DLEC1: variants seen among roughly 807,000 people sequenced by gnomAD.
The protein encoded by DLEC1 is deleted in lung and esophageal cancer protein 1.
DLEC1 carries 146 observed loss-of-function variants against 198.1 expected under a neutral mutation model. That is an observed-to-expected ratio of 0.74 (90% CI 0.64 to 0.85). The LOEUF is 0.85. DLEC1 is among the 40% of genes least tolerant of loss of function. The probability of loss-of-function intolerance (pLI) is 0.00; values close to 1 mark genes in which losing one functional copy is unlikely to be tolerated. For synonymous variants in DLEC1, 897 were observed against 866.8 expected, an observed-to-expected ratio of 1.03 and a Z score of -0.61; for missense variants, 2,233 against 2,220.0, an observed-to-expected ratio of 1.01 and a Z score of -0.12.
At chr3:38,093,455 C>T (rs577185670) in intron 11 of DLEC1, 150 bp from the exon 12 acceptor site, 27 of 880,846 alleles carry the variant, frequency 3.1e-5, no homozygotes, top group East Asian at 7.4e-5. Context: ...AACCTGTGGG[C>T]GGATATCCCC....
intron 11 of DLEC1, among the ~76,000 whole-genome samples, chr3:38,093,173 G>A (rs918381673): frequency 6.6e-6 from 1 of 152,148 alleles, no homozygotes; most frequent in African/African-American, 2.4e-5. Context: ...AACTCACTTT[G>A]ATCTCCTTTG....
chr3:38,123,426 AATCCCAAACACAATC>A lies in DLEC1; in HGVS notation c.*1023_*1037del. 3.4e-6 allele frequency: 1 copy of A among 291,590 alleles called. No homozygotes were observed. The highest frequency in any genetic ancestry group is 8.0e-5 in the South Asian group (1 of 12,474). 18.1% of individuals were successfully genotyped at this position (291,590 alleles called of 1,614,324 possible). On this transcript the variant is annotated 3_prime_UTR_variant, in exon 37 of 37. Transcript: ENST00000308059. The stretch of plus-strand genomic sequence containing the variant: ...GATCGATCATAATCCCAAAAGACAC[AATCCCAAACACAATC>A]ATCCCAAATGTTGAAATCCTGGAAG...
At chr3:38,087,367 C>T (rs367926654) in intron 9 of DLEC1, among the ~76,000 whole-genome samples, 155 of 111,590 alleles carry the variant, frequency 1.4e-3, no homozygotes, top group Middle Eastern at 4.5e-3. Flanking sequence ...CACCATCCAT[C>T]AGCACTGACA....
Position 38,122,075 on chromosome 3 carries a change from G to C in DLEC1, c.5025G>C (p.Gln1675His). 1 of 1,613,992 alleles carries C rather than the reference G, an allele frequency of 6.2e-7. No individual in the cohort carries two copies. The highest frequency in any genetic ancestry group is 8.5e-7 in the Non-Finnish European group (1 of 1,179,918). The change falls in exon 36 of 37, where the codon CAG (glutamine) becomes CAC (histidine). Residue 1675 changes from glutamine (Q) to histidine (H), a missense_variant. Physicochemically the swap from Gln to His is conservative, Grantham distance 24. Coordinates refer to ENST00000308059, the MANE Select transcript of DLEC1 (RefSeq NM_007335.4). ...CRSYWTMLMG[Q>H]QEPAKAAVAF... is the part of the protein sequence containing the mutation. Reference sequence around the variant, plus strand: ...CTTCCCTTCCCTTTGGTGCAGGCCAGCAGGAGCCAGCCAAGGCCGCTGTGG... The same window carrying C: ...CTTCCCTTCCCTTTGGTGCAGGCCACCAGGAGCCAGCCAAGGCCGCTGTGG...
intron 9 of DLEC1, 86 bp from the exon 10 acceptor site, chr3:38,088,210 G>A: frequency 3.3e-6 from 4 of 1,195,406 alleles, no homozygotes; most frequent in Non-Finnish European, 3.7e-6. Flanking sequence ...ATTGCAAAAT[G>A]GATGTTTGAA....
intron 19 of DLEC1, among the ~76,000 whole-genome samples, chr3:38,105,401 ATC>A (rs1345412155): frequency 6.6e-6 from 1 of 152,020 alleles, no homozygotes; most frequent in Non-Finnish European, 1.5e-5. Context: ...TGAATTGCTG[ATC>A]TCTCCTTCAA....
At chr3:38,117,657 C>T (rs1386215907) in intron 32 of DLEC1, 46 bp downstream of exon 32, 5 of 1,612,802 alleles carry the variant, frequency 3.1e-6, no homozygotes, top group Admixed American at 3.3e-5. Flanking sequence ...ACCTGGACCT[C>T]AGATGTCTCT....
At chr3:38,105,468 G>A (rs1304894941) in intron 19 of DLEC1, among the ~76,000 whole-genome samples, 8 of 151,966 alleles carry the variant, frequency 5.3e-5, no homozygotes, top group Admixed American at 5.2e-4. Context: ...ATACATACAT[G>A]TTTATAATTG....
chr3:38,071,607 G>A (rs1697321192), intron 6 of DLEC1, among the ~76,000 whole-genome samples: 1 of 152,254 alleles, frequency 6.6e-6, no homozygotes, highest in African/African-American at 2.4e-5. Context: ...CTGAGGGACA[G>A]AAGTTGGAGA....
In DLEC1 at chr3:38,094,039, G is replaced by C. The variant is rs144768725; in HGVS notation, c.1919+272G>C. On this transcript the variant is annotated intron_variant, in intron 12 of 36. Coordinates refer to ENST00000308059, the MANE Select transcript of DLEC1 (RefSeq NM_007335.4). ...CATGTAGCTAGTGGCTGTCATATTG[G>C]ACAGTGCAGATCTGTAAGATCTCCA... 1.7e-3 allele frequency among the ~76,000 whole-genome samples: 254 copies of C among 152,292 alleles called. 4 individuals are homozygous for C. The East Asian group carries it at 0.033, about 20-fold the overall frequency.
At position 38,122,458 on chromosome 3, in the gene DLEC1, CA is replaced by C; in HGVS notation, c.*47del. 6.2e-7 allele frequency: 1 copy of C among 1,614,002 alleles called. No homozygotes were observed. Among genetic ancestry groups the C allele is most frequent in the East Asian group, 2.2e-5 (1 of 44,886 alleles). ...CCCCAGGCCCCAGCTGGAGAAAAAA[CA>C]TTGCCCAGGGATTAGGAGCAGCTCT... is the stretch of plus-strand genomic sequence containing the variant. On this transcript the variant is annotated 3_prime_UTR_variant, in exon 37 of 37. Coordinates refer to ENST00000308059, the MANE Select transcript of DLEC1 (RefSeq NM_007335.4).
intron 19 of DLEC1, among the ~76,000 whole-genome samples, chr3:38,106,461 A>C (rs1306739464): frequency 6.6e-6 from 1 of 152,148 alleles, no homozygotes; most frequent in African/African-American, 2.4e-5. Context: ...TTCTGCTTTT[A>C]AGACCTTTTA....
chr3:38,088,852 A>G (rs1698600181), intron 10 of DLEC1, among the ~76,000 whole-genome samples: 1 of 151,742 alleles, frequency 6.6e-6, no homozygotes, highest in Admixed American at 6.6e-5. Context: ...GAACCTCTGC[A>G]GAAGCTCTCA....
At chr3:38,084,551 G>A (rs74998109) in intron 7 of DLEC1, among the ~76,000 whole-genome samples, 27 of 4,270 alleles carry the variant, frequency 6.3e-3, no homozygotes, top group South Asian at 0.028. Context: ...TAGTAGTAGT[G>A]GTAGTAGTAG....
intron 12 of DLEC1, 23 bp from the exon 13 acceptor site, chr3:38,094,856 C>A: frequency 6.2e-7 from 1 of 1,610,702 alleles, no homozygotes; most frequent in Non-Finnish European, 8.5e-7. Flanking sequence ...TGGGACATGG[C>A]CTTGGATGCG....
chr3:38,109,297 C>A (rs1198843090), intron 21 of DLEC1, 135 bp from the exon 22 acceptor site: 6 of 1,314,536 alleles, frequency 4.6e-6, no homozygotes, highest in Non-Finnish European at 4.1e-6. Flanking sequence ...ACTGGCTGGG[C>A]TCACTGGAGG....
chr3:38,083,753 C>A (rs1013357392), intron 6 of DLEC1, among the ~76,000 whole-genome samples: 1 of 151,962 alleles, frequency 6.6e-6, no homozygotes, highest in East Asian at 1.9e-4. Context: ...TTCATTTTTA[C>A]CTTGTATTTT....
intron 1 of DLEC1, among the ~76,000 whole-genome samples, chr3:38,042,393 C>G (rs1460963506): frequency 1.3e-5 from 2 of 152,232 alleles, no homozygotes; most frequent in South Asian, 4.1e-4. Context: ...ACTTTCACAA[C>G]AAAATGTTAA....
Position 38,120,642 on chromosome 3 carries a change from G to A in DLEC1, c.4866+33G>A, listed in dbSNP as rs1559469381. Reference sequence around the variant, plus strand: ...CCAGGCCCACCTACATGTGGAGGAGGGTGGAAGTGGGCTGGGCTGTGTTCT... The same window carrying A: ...CCAGGCCCACCTACATGTGGAGGAGAGTGGAAGTGGGCTGGGCTGTGTTCT... On this transcript the variant is annotated intron_variant, in intron 34 of 36. Coordinates refer to ENST00000308059, the MANE Select transcript of DLEC1 (RefSeq NM_007335.4). 5 of 1,611,378 alleles carry A rather than the reference G, an allele frequency of 3.1e-6. No homozygotes were observed. The South Asian group carries it at 3.3e-5, about 11-fold the overall frequency.
Sources: gnomAD v4.1 joint callset for allele counts (sites outside exome capture counted in the v4.1 genomes callset) on GRCh38, gnomAD v4.1.1 for gene constraint, MANE v1.5 for transcripts, NCBI Gene and HGNC (gene_info 2026-07-23, HGNC 2026-07-21) for gene names.